RFX8: variants seen among roughly 807,000 people sequenced by gnomAD.
The protein encoded by RFX8 is DNA-binding protein RFX8.
A neutral mutation model predicts 54.6 loss-of-function variants in RFX8; 46 were observed. That is an observed-to-expected ratio of 0.84 (90% CI 0.67 to 1.08). RFX8 has a LOEUF of 1.08. Ranked by LOEUF, RFX8 falls within the 50% of genes least tolerant of loss-of-function variation. The pLI, the probability that RFX8 is intolerant of heterozygous loss-of-function variation, is 0.00. For missense variants in RFX8, 536 were observed against 562.3 expected (o/e 0.95, Z 0.47); for synonymous variants, 192 against 209.5 (o/e 0.92, Z 0.72).
intron 2 of RFX8, among the ~76,000 whole-genome samples, chr2:101,439,597 A>C (rs6709281): frequency 1.4e-5 from 2 of 145,798 alleles, no homozygotes; most frequent in Non-Finnish European, 3.0e-5. Flanking sequence ...ATTGAAGTTC[A>C]TTTTTTTTTT....
At chr2:101,422,685 A>G (rs1418755148) in intron 2 of RFX8, among the ~76,000 whole-genome samples, 1 of 152,220 alleles carries the variant, frequency 6.6e-6, no homozygotes, top group Admixed American at 6.5e-5. Flanking sequence ...GATGGCCATC[A>G]GGGAAGGGAT....
chr2:101,414,961 C>T, intron 6 of RFX8, 49 bp from the exon 7 acceptor site: 1 of 1,417,748 alleles, frequency 7.1e-7, no homozygotes, highest in Non-Finnish European at 9.7e-7. Context: ...TTCAAGTTCT[C>T]ATGTGGGCAG....
intron 2 of RFX8, among the ~76,000 whole-genome samples, chr2:101,443,910 A>T (rs977637426): frequency 6.6e-6 from 1 of 152,180 alleles, no homozygotes; most frequent in Admixed American, 6.5e-5. Context: ...GTTCTGGTAG[A>T]CTGACCTCCA....
intron 8 of RFX8, among the ~76,000 whole-genome samples, chr2:101,412,509 A>T (rs1686196613): frequency 6.6e-6 from 1 of 152,236 alleles, no homozygotes; most frequent in South Asian, 2.1e-4. Flanking sequence ...GAATGTGTCG[A>T]CGCAGACATC....
rs144770306 is a variant in RFX8, at chr2:101,424,644, A to G, written c.73-2172T>C. On this transcript the variant is annotated intron_variant, in intron 2 of 11. Coordinates refer to ENST00000428343, the MANE Select transcript of RFX8 (RefSeq NM_001145664.2). ...AATGTCCATCAATGACAGACTGGGTAAAGAAAATGTGGCACATATACACCA... is the reference window on the plus strand; with the variant it reads ...AATGTCCATCAATGACAGACTGGGTGAAGAAAATGTGGCACATATACACCA... Among the ~76,000 whole-genome samples the G allele has an allele frequency of 1.8e-3, 276 of 152,322 alleles. 5 individuals carry two copies. In the East Asian group the frequency reaches 0.041, roughly 23 times the overall value.
intron 2 of RFX8, among the ~76,000 whole-genome samples, chr2:101,431,776 G>A (rs752159893): frequency 1.3e-4 from 20 of 152,152 alleles, no homozygotes; most frequent in South Asian, 4.1e-4. Context: ...TCTGTTCAAT[G>A]CAGAATATGG....
intron 2 of RFX8, among the ~76,000 whole-genome samples, chr2:101,465,145 C>A (rs1477851493): frequency 1.3e-5 from 2 of 152,186 alleles, no homozygotes; most frequent in Non-Finnish European, 2.9e-5. Context: ...AACATAGCCA[C>A]TTCAGCAGGT....
At chr2:101,415,190 T>C (rs959026755) in intron 6 of RFX8, among the ~76,000 whole-genome samples, 11 of 152,120 alleles carry the variant, frequency 7.2e-5, no homozygotes, top group African/African-American at 2.4e-4. Context: ...AAATTTCATA[T>C]GTTGAACCTC....
chr2:101,472,728 T>G (rs1690079216), intron 1 of RFX8, among the ~76,000 whole-genome samples: 1 of 152,006 alleles, frequency 6.6e-6, no homozygotes, highest in African/African-American at 2.4e-5. Context: ...TTTAACAAAG[T>G]TTATGAAGGC....
chr2:101,454,956 T>C (rs1301057829), intron 2 of RFX8, among the ~76,000 whole-genome samples: 1 of 152,104 alleles, frequency 6.6e-6, no homozygotes, highest in Admixed American at 6.5e-5. Flanking sequence ...GGTGTTTTAG[T>C]CATGAAGTCT....
At chr2:101,430,125 A>G (rs913460162) in intron 2 of RFX8, among the ~76,000 whole-genome samples, 1 of 152,226 alleles carries the variant, frequency 6.6e-6, no homozygotes, top group Non-Finnish European at 1.5e-5. Context: ...TCATCTTTTA[A>G]TAAGAGTTGT....
chr2:101,417,739 A>G, intron 5 of RFX8, 55 bp from the exon 6 acceptor site: 1 of 1,425,236 alleles, frequency 7.0e-7, no homozygotes, highest in Non-Finnish European at 9.5e-7. Flanking sequence ...GGTGTGGCTG[A>G]AGCTTATGCA....
chr2:101,408,963 G>A (rs1313356876), intron 9 of RFX8, among the ~76,000 whole-genome samples: 2 of 152,204 alleles, frequency 1.3e-5, no homozygotes, highest in East Asian at 1.9e-4. Context: ...CCAGAGCCAC[G>A]CTTCCAGCCC....
intron 2 of RFX8, among the ~76,000 whole-genome samples, chr2:101,458,692 G>A (rs987882006): frequency 2.6e-5 from 4 of 152,054 alleles, no homozygotes; most frequent in African/African-American, 7.2e-5. Context: ...AGTGTCTTGG[G>A]TTGCTCTTTT....
In RFX8 at chr2:101,423,012, C is replaced by T. The variant is rs972207745; in HGVS notation, c.73-540G>A. 3.9e-5 allele frequency among the ~76,000 whole-genome samples: 6 copies of T among 152,254 alleles called. No homozygotes were observed. In the East Asian group the frequency reaches 9.7e-4, roughly 24 times the overall value. ...GTGGCTCATGCCTATAATCCCAGCA[C>T]TTTGGGAGGGCGAGGCGGGTGGATC... On this transcript the variant is annotated intron_variant, in intron 2 of 11. Transcript: ENST00000428343.
At chr2:101,441,534 C>T (rs183181604) in intron 2 of RFX8, among the ~76,000 whole-genome samples, 89 of 152,158 alleles carry the variant, frequency 5.8e-4, no homozygotes, top group African/African-American at 2.0e-3. Context: ...TGGATGTGGC[C>T]CCTTGAACTT....
intron 2 of RFX8, among the ~76,000 whole-genome samples, chr2:101,453,734 A>G (rs979960803): frequency 2.0e-5 from 3 of 152,120 alleles, no homozygotes; most frequent in African/African-American, 4.8e-5. Context: ...TCTTCCCTCA[A>G]CATTATGCCA....
At chr2:101,450,650 TTTC>T in intron 2 of RFX8, 1 of 1,512,926 alleles carries the variant, frequency 6.6e-7, no homozygotes. Flanking sequence ...AGAAAGAGCT[TTTC>T]TTGATACAGA....
chr2:101,467,814 C>T (rs1689661656), intron 1 of RFX8, among the ~76,000 whole-genome samples: 2 of 151,368 alleles, frequency 1.3e-5, no homozygotes, highest in African/African-American at 4.9e-5. Context: ...AGAAAGTGTC[C>T]GTAGTGACAT....
Sources: gnomAD v4.1 joint callset for allele counts (sites outside exome capture counted in the v4.1 genomes callset) on GRCh38, gnomAD v4.1.1 for gene constraint, MANE v1.5 for transcripts, NCBI Gene and HGNC (gene_info 2026-07-23, HGNC 2026-07-21) for gene names.